SUDS3: variants seen among roughly 807,000 people sequenced by gnomAD.
SUDS3 encodes the protein sin3 histone deacetylase corepressor complex component SDS3.
In SUDS3, 23 loss-of-function variants were observed where a neutral mutation model predicts 53.5. The observed-to-expected ratio is 0.43, with a 90% CI of 0.31 to 0.61. The LOEUF (loss-of-function observed/expected upper bound fraction) is 0.61. Ranked by LOEUF, SUDS3 falls within the 20% of genes least tolerant of loss-of-function variation. SUDS3 has a pLI of 0.10. For synonymous variants in SUDS3, 150 were observed against 148.5 expected (o/e 1.01, Z -0.08); for missense variants, 291 against 405.9 (o/e 0.72, Z 2.43).
In SUDS3 at chr12:118,411,060, T is replaced by G; in HGVS notation, c.804-13T>G. ...CCCTCCCTTTTTAAAAATGTGTGCC[T>G]TGTTTTTGTCAGGTACCACAAGAGC... On this transcript the variant is annotated splice_polypyrimidine_tract_variant and intron_variant, in intron 10 of 11. Coordinates refer to ENST00000543473, the MANE Select transcript of SUDS3 (RefSeq NM_022491.3). 5.0e-6 allele frequency: 8 copies of G among 1,597,724 alleles called. No individual in the cohort carries two copies. The highest frequency in any genetic ancestry group is 6.8e-6 in the Non-Finnish European group (8 of 1,171,786).
rs1372087762 is a variant in SUDS3 at position 118,403,531 on chromosome 12, A to G, written c.803+14A>G. 1.9e-6 allele frequency: 3 copies of G among 1,601,900 alleles called. No individual in the cohort carries two copies. The South Asian group carries it at 3.4e-5, about 18-fold the overall frequency. On this transcript the variant is annotated intron_variant, in intron 10 of 11. Coordinates refer to ENST00000543473, the MANE Select transcript of SUDS3 (RefSeq NM_022491.3). ...TGACAAAAGATGGTATGTTATGGGAAAACCTGGACTAGTAAGAGTCTCATA... is the reference window on the plus strand; with the variant it reads ...TGACAAAAGATGGTATGTTATGGGAGAACCTGGACTAGTAAGAGTCTCATA...
chr12:118,395,567 G>A (rs192612650), intron 6 of SUDS3, among the ~76,000 whole-genome samples: 2 of 152,158 alleles, frequency 1.3e-5, no homozygotes, highest in Admixed American at 6.5e-5. Context: ...CAGAGAGGAA[G>A]GCTCGACTGG....
chr12:118,386,155 C>G lies in SUDS3; in HGVS notation c.310C>G (p.Gln104Glu). 6 of 1,602,126 alleles carry G rather than the reference C, an allele frequency of 3.7e-6. No homozygotes were observed. Among genetic ancestry groups the G allele is most frequent in the Non-Finnish European group, 5.1e-6 (6 of 1,174,072 alleles). ...EYQKRMKKLD[Q>E]QYKERIRNAE... ...TCAGAAGAGAATGAAAAAACTAGATCAGCAGTACAAAGAGAGGATACGGAA... is the reference window on the plus strand; with the variant it reads ...TCAGAAGAGAATGAAAAAACTAGATGAGCAGTACAAAGAGAGGATACGGAA... The change falls in exon 4 of 12, where the codon CAG becomes GAG. Residue 104 changes from glutamine to glutamate, a missense_variant. This residue lies in a region of SUDS3 where 149 missense variants were observed against 146.5 expected (regional missense o/e 1.02). Transcript: ENST00000543473.
At chr12:118,402,999 T>C (rs918937568) in intron 9 of SUDS3, among the ~76,000 whole-genome samples, 8 of 152,094 alleles carry the variant, frequency 5.3e-5, no homozygotes, top group African/African-American at 1.9e-4. Flanking sequence ...ACCTCGTGAT[T>C]CACCTGCCTC....
At position 118,376,598 on chromosome 12, in the gene SUDS3, G is replaced by C. The variant is rs983896121; in HGVS notation, c.-94G>C. The C allele has an allele frequency of 4.8e-6, 6 of 1,252,578 alleles. No homozygotes were observed. In the African/African-American group the frequency reaches 9.3e-5, roughly 20 times the overall value. 77.6% of individuals were successfully genotyped at this position (1,252,578 alleles called of 1,614,324 possible). On this transcript the variant is annotated 5_prime_UTR_variant, in exon 1 of 12. Coordinates refer to ENST00000543473, the MANE Select transcript of SUDS3 (RefSeq NM_022491.3). Reference sequence around the variant, plus strand: ...GCCGTGGCTGCCGGTCCTCGAGTTGGGGGCTGCCGCGGACACTGCTAGGCA... The same window carrying C: ...GCCGTGGCTGCCGGTCCTCGAGTTGCGGGCTGCCGCGGACACTGCTAGGCA...
At chr12:118,402,026 A>G (rs762745062) in intron 9 of SUDS3, 22 bp downstream of exon 9, 13 of 1,613,630 alleles carry the variant, frequency 8.1e-6, no homozygotes, top group Non-Finnish European at 1.1e-5. Flanking sequence ...ATGTGTTGGC[A>G]TTTGTGCAAC....
chr12:118,385,154 G>A (rs1273239374), intron 3 of SUDS3, among the ~76,000 whole-genome samples: 1 of 151,770 alleles, frequency 6.6e-6, no homozygotes, highest in Non-Finnish European at 1.5e-5. Context: ...TTGTCACCCA[G>A]GTGGAGGGCA....
intron 8 of SUDS3, 80 bp from the exon 9 acceptor site, chr12:118,401,903 A>T: frequency 1.2e-6 from 2 of 1,601,192 alleles, no homozygotes; most frequent in Non-Finnish European, 1.7e-6. Flanking sequence ...TTACTTGTTA[A>T]TCATTATGAT....
intron 4 of SUDS3, 81 bp downstream of exon 4, chr12:118,386,266 G>C: frequency 9.0e-7 from 1 of 1,114,202 alleles, no homozygotes; most frequent in Non-Finnish European, 1.3e-6. Context: ...AGCCCTAAGA[G>C]CTATTCTCCA....
intron 11 of SUDS3, among the ~76,000 whole-genome samples, chr12:118,412,828 G>A (rs2046370497): frequency 6.6e-6 from 1 of 152,160 alleles, no homozygotes; most frequent in Non-Finnish European, 1.5e-5. Context: ...TCTGACAAAT[G>A]GTGACACTGA....
chr12:118,403,728 C>T (rs1182216179), intron 10 of SUDS3, among the ~76,000 whole-genome samples: 2 of 152,190 alleles, frequency 1.3e-5, no homozygotes, highest in African/African-American at 4.8e-5. Flanking sequence ...ATGTTCTGCT[C>T]CCCTTCCTTC....
In SUDS3 at chr12:118,416,135, C is replaced by A. The variant is rs542645955; in HGVS notation, c.*1702C>A. The A allele has an allele frequency of 4.6e-5, 7 of 152,166 alleles. No homozygotes were observed. Among genetic ancestry groups the A allele is most frequent in the African/African-American group, 4.8e-5 (2 of 41,424 alleles). The allele number at this position is 152,166 out of a possible 1,614,324, so 9.4% of individuals were successfully genotyped here. ...CTTGACTGTGAGGCAGGACTTCCCT[C>A]GCTTGAACTGTTACACATACGATGT... On this transcript the variant is annotated 3_prime_UTR_variant, in exon 12 of 12. Coordinates refer to ENST00000543473, the MANE Select transcript of SUDS3 (RefSeq NM_022491.3).
At chr12:118,383,972 A>G (rs762975270) in intron 2 of SUDS3, 40 bp from the exon 3 acceptor site, 4 of 1,576,314 alleles carry the variant, frequency 2.5e-6, no homozygotes, top group Admixed American at 1.8e-5. Flanking sequence ...TTGAGTATTG[A>G]ATGTTTTTAT....
intron 8 of SUDS3, 56 bp downstream of exon 8, chr12:118,401,876 TTTTG>T: frequency 1.2e-6 from 2 of 1,604,908 alleles, no homozygotes; most frequent in Non-Finnish European, 8.5e-7. Flanking sequence ...GGTTTTCTGA[TTTTG>T]TTTGTTAACA....
chr12:118,410,977 TATA>T (rs1265835134), intron 10 of SUDS3, 93 bp from the exon 11 acceptor site: 7 of 956,214 alleles, frequency 7.3e-6, no homozygotes, highest in Non-Finnish European at 1.1e-5. Context: ...CTTCTTTAAT[TATA>T]ATTTTTGTTG....
chr12:118,384,024 C>T lies in SUDS3; in HGVS notation c.225C>T (p.Asp75=), dbSNP rs998007936. 3 of 1,612,644 alleles carry T rather than the reference C, an allele frequency of 1.9e-6. No homozygotes were observed. The South Asian group carries it at 3.3e-5, about 18-fold the overall frequency. ...TTTTTTTTTATAGGATGTATCAGGA[C>T]AAACTGGCTTCTCTCAAGAGGCAGT... ...YVEMKEQMYQ[D]KLASLKRQLQ... Residue 75 remains aspartate (D), a synonymous_variant, in exon 3 of 12, where the codon GAC becomes GAT. Transcript: ENST00000543473.
At chr12:118,402,618 G>A (rs1275764164) in intron 9 of SUDS3, 2 of 127,512 alleles carry the variant, frequency 1.6e-5, no homozygotes, top group African/African-American at 5.6e-5. Flanking sequence ...ACTGAGTCTT[G>A]TGGAAGAAAA....
chr12:118,379,104 G>A (rs1353474244), intron 1 of SUDS3, among the ~76,000 whole-genome samples: 1 of 151,886 alleles, frequency 6.6e-6, no homozygotes, highest in Non-Finnish European at 1.5e-5. Flanking sequence ...GAGCTGCCAT[G>A]CCTGGCCTGG....
intron 5 of SUDS3, 97 bp from the exon 6 acceptor site, chr12:118,391,029 C>T (rs993816614): frequency 1.4e-6 from 2 of 1,388,964 alleles, no homozygotes; most frequent in Non-Finnish European, 2.0e-6. Context: ...GGGGGAAACT[C>T]TCACACACTT....
Sources: allele counts gnomAD v4.1 joint callset (sites outside exome capture counted in the v4.1 genomes callset), GRCh38; gene constraint gnomAD v4.1.1; regional missense constraint gnomAD v4.1.1; transcripts MANE v1.5; gene names NCBI Gene and HGNC (gene_info 2026-07-23, HGNC 2026-07-21).